RAP1GDS1: variants seen among roughly 807,000 people sequenced by gnomAD.
RAP1GDS1 encodes Rap1 GTPase-GDP dissociation stimulator 1.
In RAP1GDS1, 35 loss-of-function variants were observed where a neutral mutation model predicts 71.1. That is an observed-to-expected ratio of 0.49 (90% CI 0.38 to 0.65). The LOEUF (loss-of-function observed/expected upper bound fraction) is 0.65, where lower values mean the gene tolerates loss of function less well. Ranked by LOEUF, RAP1GDS1 falls within the 30% of genes least tolerant of loss-of-function variation. RAP1GDS1 has a pLI of 0.00. For missense variants in RAP1GDS1, 663 were observed against 706.1 expected, an observed-to-expected ratio of 0.94 and a Z score of 0.69; for synonymous variants, 229 against 243.1, an observed-to-expected ratio of 0.94 and a Z score of 0.54.
At chr4:98,411,140 A>C (rs1747010956) in intron 7 of RAP1GDS1, among the ~76,000 whole-genome samples, 2 of 152,252 alleles carry the variant, frequency 1.3e-5, no homozygotes, top group African/African-American at 4.8e-5. Flanking sequence ...ATATGTGTGT[A>C]AACAGTGGTG....
chr4:98,292,334 T>G (rs1377816062), intron 1 of RAP1GDS1, among the ~76,000 whole-genome samples: 2 of 151,988 alleles, frequency 1.3e-5, no homozygotes, highest in Non-Finnish European at 2.9e-5. Context: ...AGGACTCACT[T>G]TGTTGCCCGG....
chr4:98,348,622 G>A (rs953932894), intron 3 of RAP1GDS1, among the ~76,000 whole-genome samples: 1 of 152,182 alleles, frequency 6.6e-6, no homozygotes, highest in Admixed American at 6.5e-5. Context: ...AGCCAATCCA[G>A]CACCTGTTGT....
Position 98,417,407 on chromosome 4 carries a change from T to C in RAP1GDS1, c.948T>C (p.Ser316=). Residue 316 remains serine, a synonymous_variant, in exon 9 of 15, where the codon AGT becomes AGC. Coordinates refer to ENST00000408927, the MANE Select transcript of RAP1GDS1 (RefSeq NM_001100427.2). ...AGTTATTTGAAGGAGGAAAAGGTAGTGTATTTCAAAGGGTACTCTCTTGGA... is the reference window on the plus strand; with the variant it reads ...AGTTATTTGAAGGAGGAAAAGGTAGCGTATTTCAAAGGGTACTCTCTTGGA... ...MQKLFEGGKG[S]VFQRVLSWIP... The C allele has an allele frequency of 1.2e-6, 2 of 1,613,008 alleles. No homozygotes were observed. The highest frequency in any genetic ancestry group is 1.1e-5 in the South Asian group (1 of 91,034).
intron 4 of RAP1GDS1, among the ~76,000 whole-genome samples, chr4:98,372,721 G>A (rs1481410703): frequency 6.6e-6 from 1 of 152,160 alleles, no homozygotes; most frequent in Non-Finnish European, 1.5e-5. Context: ...GTCTTGCTGT[G>A]TTGCCCAGGC....
chr4:98,286,318 G>T (rs1001520323), intron 1 of RAP1GDS1, among the ~76,000 whole-genome samples: 8 of 151,754 alleles, frequency 5.3e-5, no homozygotes, highest in Admixed American at 4.6e-4. Flanking sequence ...AGTATTGTAG[G>T]CCTGTCGCAT....
At chr4:98,440,381 G>GT (rs1751716381) in intron 14 of RAP1GDS1, among the ~76,000 whole-genome samples, 2 of 152,000 alleles carry the variant, frequency 1.3e-5, no homozygotes, top group Non-Finnish European at 2.9e-5. Flanking sequence ...GTCATTCAAT[G>GT]TTTAATTTTT....
rs540864420 is a variant in RAP1GDS1, at chr4:98,382,502, T to C, written c.508+3339T>C. On this transcript the variant is annotated intron_variant, in intron 5 of 14. Coordinates refer to ENST00000408927, the MANE Select transcript of RAP1GDS1 (RefSeq NM_001100427.2). Reference sequence around the variant, plus strand: ...TGAGGGAATGTGTTGAACTTGCTATTTTTTTTTCTTCATTTTGTTACAACT... The same window carrying C: ...TGAGGGAATGTGTTGAACTTGCTATCTTTTTTTCTTCATTTTGTTACAACT... Among the ~76,000 whole-genome samples the C allele has an allele frequency of 5.3e-5, 8 of 151,484 alleles. No individual in the cohort carries two copies. The East Asian group carries it at 1.4e-3, about 26-fold the overall frequency.
intron 5 of RAP1GDS1, among the ~76,000 whole-genome samples, chr4:98,382,441 C>T (rs964844992): frequency 2.6e-5 from 4 of 151,480 alleles, no homozygotes; most frequent in Non-Finnish European, 4.4e-5. Flanking sequence ...ACAATTATGG[C>T]TGTAGAAAAG....
At chr4:98,278,418 T>C (rs947768622) in intron 1 of RAP1GDS1, among the ~76,000 whole-genome samples, 1 of 152,184 alleles carries the variant, frequency 6.6e-6, no homozygotes, top group African/African-American at 2.4e-5. Flanking sequence ...AAAGTTGAAT[T>C]TATATTACTT....
At chr4:98,419,715 G>A (rs915705144) in intron 10 of RAP1GDS1, among the ~76,000 whole-genome samples, 1 of 152,136 alleles carries the variant, frequency 6.6e-6, no homozygotes, top group Admixed American at 6.5e-5. Context: ...TTGTAAGAGG[G>A]TAACATTTTC....
At chr4:98,333,624 G>C (rs1265709743) in intron 2 of RAP1GDS1, among the ~76,000 whole-genome samples, 1 of 151,930 alleles carries the variant, frequency 6.6e-6, no homozygotes, top group East Asian at 1.9e-4. Flanking sequence ...AATTTAGATT[G>C]CCTGAAAAGT....
chr4:98,354,804 A>G (rs867282933), intron 4 of RAP1GDS1, among the ~76,000 whole-genome samples: 11 of 152,284 alleles, frequency 7.2e-5, no homozygotes, highest in Middle Eastern at 3.4e-3. Flanking sequence ...CATAGTAAAT[A>G]CAGCCCATAT....
chr4:98,417,415 AAAGGGT>A lies in RAP1GDS1; in HGVS notation c.958_963del (p.Arg320_Val321del). 6.2e-7 allele frequency: 1 copy of A among 1,613,082 alleles called. No individual in the cohort carries two copies. The highest frequency in any genetic ancestry group is 8.5e-7 in the Non-Finnish European group (1 of 1,179,180). On this transcript the variant is annotated inframe_deletion, in exon 9 of 15. Transcript: ENST00000408927. ...GAAGGAGGAAAAGGTAGTGTATTTCAAAGGGTACTCTCTTGGATCCCATCAAATAAC... is the reference window on the plus strand; with the variant it reads ...GAAGGAGGAAAAGGTAGTGTATTTCAACTCTCTTGGATCCCATCAAATAAC...
At chr4:98,415,829 T>G (rs775207091) in intron 7 of RAP1GDS1, among the ~76,000 whole-genome samples, 1 of 152,152 alleles carries the variant, frequency 6.6e-6, no homozygotes, top group Non-Finnish European at 1.5e-5. Flanking sequence ...AGAAATAGCA[T>G]TTAGTAAACC....
At chr4:98,351,677 G>A (rs951616150) in intron 3 of RAP1GDS1, among the ~76,000 whole-genome samples, 6 of 150,982 alleles carry the variant, frequency 4.0e-5, no homozygotes, top group Admixed American at 2.6e-4. Context: ...CTTATGTTTT[G>A]TAGTGGTCCA....
chr4:98,433,828 A>T (rs531516468), intron 12 of RAP1GDS1, 108 bp from the exon 13 acceptor site: 2 of 1,040,744 alleles, frequency 1.9e-6, no homozygotes, highest in East Asian at 2.6e-5. Context: ...CAAATGATTC[A>T]TACAGGACAC....
chr4:98,400,832 A>C (rs1257429287), intron 6 of RAP1GDS1, among the ~76,000 whole-genome samples: 10 of 152,030 alleles, frequency 6.6e-5, no homozygotes, highest in Non-Finnish European at 1.3e-4. Context: ...TACAATTATT[A>C]TTTGTCAAAT....
In RAP1GDS1 at chr4:98,418,798, C is replaced by G. The variant is rs759419161; in HGVS notation, c.1174+7C>G. The G allele has an allele frequency of 6.3e-7, 1 of 1,581,924 alleles. No individual in the cohort carries two copies. Among genetic ancestry groups the G allele is most frequent in the Admixed American group, 1.9e-5 (1 of 53,342 alleles). On this transcript the variant is annotated splice_region_variant and intron_variant, in intron 10 of 14. Coordinates refer to ENST00000408927, the MANE Select transcript of RAP1GDS1 (RefSeq NM_001100427.2). Reference sequence around the variant, plus strand: ...AGAAACCTGGCCATTCCAGGTAAGACTTAAGAATAGAAGGCAGCTGTGTAC... The same window carrying G: ...AGAAACCTGGCCATTCCAGGTAAGAGTTAAGAATAGAAGGCAGCTGTGTAC...
At chr4:98,324,416 A>G (rs10454790) in intron 2 of RAP1GDS1, among the ~76,000 whole-genome samples, 20,510 of 151,530 alleles carry the variant, frequency 0.14, 1,991 homozygotes, top group African/African-American at 0.27. Flanking sequence ...ATTGGAAAAA[A>G]CTACTTTAAA....
Sources: gnomAD v4.1 joint callset for allele counts (sites outside exome capture counted in the v4.1 genomes callset) on GRCh38, gnomAD v4.1.1 for gene constraint, MANE v1.5 for transcripts, NCBI Gene and HGNC (gene_info 2026-07-23, HGNC 2026-07-21) for gene names.